The following ZNF704 variants were observed in gnomAD, a reference collection of about 807,000 sequenced individuals.
The protein encoded by ZNF704 is glucocorticoid induced gene 1.
A neutral mutation model predicts 44.7 loss-of-function variants in ZNF704; 10 were observed. That is an observed-to-expected ratio of 0.22 (90% confidence interval 0.14 to 0.38). The LOEUF (loss-of-function observed/expected upper bound fraction) is 0.38, where lower values mean the gene tolerates loss of function less well. Among genes scored for constraint, ZNF704 ranks in the 10% least tolerant of loss-of-function variants. The probability of loss-of-function intolerance (pLI) is 1.00; values close to 1 mark genes in which losing one functional copy is unlikely to be tolerated. For synonymous variants in ZNF704, 211 were observed against 207.6 expected (o/e 1.02, Z -0.14); for missense variants, 390 against 545.5 (o/e 0.71, Z 2.84).
chr8:80,671,997 T>A (rs1818289224), intron 4 of ZNF704, among the ~76,000 whole-genome samples: 1 of 152,208 alleles, frequency 6.6e-6, no homozygotes, highest in Non-Finnish European at 1.5e-5. Flanking sequence ...GAATAGTGGT[T>A]TTTAATGTTT....
At chr8:80,746,103 A>G (rs1806839060) in intron 2 of ZNF704, among the ~76,000 whole-genome samples, 1 of 152,220 alleles carries the variant, frequency 6.6e-6, no homozygotes, top group Non-Finnish European at 1.5e-5. Flanking sequence ...TGTCTACTTT[A>G]TGCTTTCAGG....
At chr8:80,681,029 A>G (rs1818444943) in intron 4 of ZNF704, among the ~76,000 whole-genome samples, 1 of 151,962 alleles carries the variant, frequency 6.6e-6, no homozygotes, top group African/African-American at 2.4e-5. Flanking sequence ...TGATTCACTC[A>G]CTGTTTCTTG....
chr8:80,753,117 G>T (rs1806975986), intron 2 of ZNF704, among the ~76,000 whole-genome samples: 1 of 152,092 alleles, frequency 6.6e-6, no homozygotes, highest in Non-Finnish European at 1.5e-5. Flanking sequence ...TCTAAAAGCT[G>T]GCCACTGTTA....
chr8:80,735,188 C>T (rs983627271), intron 2 of ZNF704, among the ~76,000 whole-genome samples: 2 of 152,202 alleles, frequency 1.3e-5, no homozygotes, highest in Non-Finnish European at 2.9e-5. Flanking sequence ...TCACCACTGT[C>T]CACATGATGC....
At chr8:80,822,273 GCC>G (rs772789476) in intron 1 of ZNF704, among the ~76,000 whole-genome samples, 3 of 72,058 alleles carry the variant, frequency 4.2e-5, no homozygotes, top group African/African-American at 2.2e-4. Context: ...CTTCCCCCCC[GCC>G]CCCAACCCAT....
chr8:80,845,668 T>C (rs1318267488), intron 1 of ZNF704, among the ~76,000 whole-genome samples: 1 of 152,094 alleles, frequency 6.6e-6, no homozygotes, highest in Non-Finnish European at 1.5e-5. Flanking sequence ...AAAGTATGAT[T>C]CTGAAGCACA....
upstream of ZNF704, among the ~76,000 whole-genome samples, chr8:80,876,508 A>G (rs1343212952): frequency 2.0e-5 from 3 of 152,154 alleles, no homozygotes; most frequent in African/African-American, 7.2e-5. Flanking sequence ...GCAGACAGGT[A>G]TGGAGGAGGT....
intron 7 of ZNF704, among the ~76,000 whole-genome samples, chr8:80,645,369 T>C (rs1005176126): frequency 6.6e-6 from 1 of 152,146 alleles, no homozygotes; most frequent in African/African-American, 2.4e-5. Flanking sequence ...CCTTAGAGAA[T>C]TGCTTTTCTC....
chr8:80,679,370 GGGA>G (rs1274033256), intron 4 of ZNF704, among the ~76,000 whole-genome samples: 2 of 149,378 alleles, frequency 1.3e-5, no homozygotes, highest in Non-Finnish European at 2.9e-5. Context: ...AGCAAGCCAT[GGGA>G]GGAGGAGAAC....
At chr8:80,796,162 C>T (rs1353319927) in intron 2 of ZNF704, among the ~76,000 whole-genome samples, 1 of 152,152 alleles carries the variant, frequency 6.6e-6, no homozygotes, top group African/African-American at 2.4e-5. Context: ...TTATTTCTTA[C>T]AGTTGTAGAG....
intron 3 of ZNF704, among the ~76,000 whole-genome samples, chr8:80,689,134 C>T (rs963055317): frequency 1.1e-4 from 16 of 151,932 alleles, no homozygotes; most frequent in African/African-American, 2.4e-4. Flanking sequence ...GTTCTAACTA[C>T]GAGGAAAAAA....
chr8:80,732,952 T>TAAAAAAA (rs59640222), intron 2 of ZNF704, among the ~76,000 whole-genome samples: 1 of 78,660 alleles, frequency 1.3e-5, no homozygotes, highest in Admixed American at 1.5e-4. Context: ...AGACCTTGCC[T>TAAAAAAA]AAAAAAAAAA....
At chr8:80,696,494 T>G (rs906725868) in intron 2 of ZNF704, among the ~76,000 whole-genome samples, 3 of 152,220 alleles carry the variant, frequency 2.0e-5, no homozygotes, top group Admixed American at 2.0e-4. Flanking sequence ...CTTGCCTCAC[T>G]GCAACCTCCA....
At chr8:80,720,592 C>G (rs1422111393) in intron 2 of ZNF704, among the ~76,000 whole-genome samples, 1 of 152,266 alleles carries the variant, frequency 6.6e-6, no homozygotes, top group South Asian at 2.1e-4. Flanking sequence ...TGCCCATGGC[C>G]CTTTTTTTGT....
intron 1 of ZNF704, among the ~76,000 whole-genome samples, chr8:80,847,862 A>G (rs951212908): frequency 6.6e-5 from 10 of 152,228 alleles, no homozygotes; most frequent in Non-Finnish European, 8.8e-5. Flanking sequence ...TATGGAAAGC[A>G]CTGTGACATT....
At chr8:80,813,765 GCTA>G (rs1283363863) in intron 2 of ZNF704, among the ~76,000 whole-genome samples, 1 of 152,042 alleles carries the variant, frequency 6.6e-6, no homozygotes, top group Non-Finnish European at 1.5e-5. Flanking sequence ...TGTAGTCCCA[GCTA>G]CTCAGGAGGC....
intron 2 of ZNF704, among the ~76,000 whole-genome samples, chr8:80,728,520 C>A: frequency 6.6e-6 from 1 of 152,120 alleles, no homozygotes; most frequent in South Asian, 2.1e-4. Context: ...CTTAAGGGCA[C>A]CCCATGAGTT....
At chr8:80,657,712 C>CTCACATAG (rs1818038831) in intron 7 of ZNF704, among the ~76,000 whole-genome samples, 1 of 149,640 alleles carries the variant, frequency 6.7e-6, no homozygotes, top group South Asian at 2.1e-4. Context: ...AAAAAAAAAG[C>CTCACATAG]TCACATAGGA....
intron 2 of ZNF704, among the ~76,000 whole-genome samples, chr8:80,759,247 A>G (rs1408360207): frequency 6.6e-6 from 1 of 151,462 alleles, no homozygotes; most frequent in African/African-American, 2.4e-5. Flanking sequence ...ACCCTAGAGT[A>G]ACATTATAGT....
Sources: gnomAD v4.1 joint callset for allele counts (sites outside exome capture counted in the v4.1 genomes callset) on GRCh38, gnomAD v4.1.1 for gene constraint, MANE v1.5 for transcripts, NCBI Gene and HGNC (gene_info 2026-07-23, HGNC 2026-07-21) for gene names.